LRFN5: variants seen among roughly 807,000 people sequenced by gnomAD.
LRFN5 encodes leucine-rich repeat and fibronectin type-III domain-containing protein 5.
Under a neutral mutation model 45.6 loss-of-function variants are expected in LRFN5, and 24 were observed. The ratio of observed to expected loss-of-function variants is 0.53; its 90% CI spans 0.38 to 0.74. LRFN5 has a LOEUF of 0.74. LRFN5 is among the 30% of genes least tolerant of loss of function. The pLI is 0.00. For missense variants in LRFN5, 776 were observed against 861.5 expected (o/e 0.90, Z 1.24); for synonymous variants, 340 against 313.8 (o/e 1.08, Z -0.88).
At chr14:41,695,621 C>T (rs2138714319) in intron 1 of LRFN5, among the ~76,000 whole-genome samples, 1 of 152,054 alleles carries the variant, frequency 6.6e-6, no homozygotes, top group Admixed American at 6.6e-5. Context: ...TCTACTCTGC[C>T]TATGCTCTAT....
intron 2 of LRFN5, among the ~76,000 whole-genome samples, chr14:41,884,935 A>G (rs892898263): frequency 2.6e-5 from 4 of 152,224 alleles, no homozygotes; most frequent in Non-Finnish European, 4.4e-5. Context: ...TAAAAGTCAT[A>G]AAATATGCTT....
intron 2 of LRFN5, among the ~76,000 whole-genome samples, chr14:41,815,158 A>G (rs1386008460): frequency 6.6e-6 from 1 of 152,162 alleles, no homozygotes; most frequent in East Asian, 1.9e-4. Flanking sequence ...CAACTATAAT[A>G]ATGAATTAAT....
At chr14:41,611,833 C>A (rs914882041) in intron 1 of LRFN5, among the ~76,000 whole-genome samples, 7 of 152,130 alleles carry the variant, frequency 4.6e-5, no homozygotes, top group Non-Finnish European at 8.8e-5. Context: ...GAAGTGATTT[C>A]TTTCCTTTTT....
At chr14:41,622,961 A>G (rs933246264) in intron 1 of LRFN5, among the ~76,000 whole-genome samples, 1 of 152,146 alleles carries the variant, frequency 6.6e-6, no homozygotes. Context: ...AACGAACTCA[A>G]TTTTAACTGA....
At chr14:41,882,989 C>T (rs1204008607) in intron 2 of LRFN5, among the ~76,000 whole-genome samples, 1 of 151,644 alleles carries the variant, frequency 6.6e-6, no homozygotes, top group Non-Finnish European at 1.5e-5. Flanking sequence ...ACTGGGACTA[C>T]AGTTGCACGC....
intron 1 of LRFN5, among the ~76,000 whole-genome samples, chr14:41,764,267 C>T (rs527977081): frequency 1.3e-5 from 2 of 152,230 alleles, no homozygotes; most frequent in Admixed American, 1.3e-4. Context: ...CCTATATGAG[C>T]TTGCCCAAGG....
At chr14:41,768,241 A>G (rs565846724) in intron 2 of LRFN5, among the ~76,000 whole-genome samples, 7 of 152,200 alleles carry the variant, frequency 4.6e-5, no homozygotes, top group African/African-American at 1.7e-4. Flanking sequence ...CTAATTATAT[A>G]ACATTTAAAA....
intron 1 of LRFN5, among the ~76,000 whole-genome samples, chr14:41,625,267 T>C (rs953397996): frequency 2.3e-4 from 9 of 39,680 alleles, no homozygotes; most frequent in Non-Finnish European, 5.9e-4. Context: ...TGGGTTCATC[T>C]GGATGGAGAT....
At chr14:41,629,092 A>G (rs1888446973) in intron 1 of LRFN5, among the ~76,000 whole-genome samples, 1 of 152,136 alleles carries the variant, frequency 6.6e-6, no homozygotes, top group Admixed American at 6.6e-5. Flanking sequence ...TGAAGATGCC[A>G]TATGTCTCTA....
At chr14:41,776,630 A>T (rs1163420526) in intron 2 of LRFN5, among the ~76,000 whole-genome samples, 1 of 152,052 alleles carries the variant, frequency 6.6e-6, no homozygotes, top group Non-Finnish European at 1.5e-5. Context: ...TACAAAGAGG[A>T]ATTTTCATAA....
rs1445921866 is a variant in LRFN5 at position 41,673,485 on chromosome 14, G to A, written c.-197+64923G>A. On this transcript the variant is annotated intron_variant, in intron 1 of 5. Transcript: ENST00000298119. Reference sequence around the variant, plus strand: ...TCCCTCCTGGACGGGGCGGCTGGCCGGGCAGAGGGGCTCCTCACTTCCCAG... The same window carrying A: ...TCCCTCCTGGACGGGGCGGCTGGCCAGGCAGAGGGGCTCCTCACTTCCCAG... 3.4e-5 allele frequency among the ~76,000 whole-genome samples: 5 copies of A among 146,848 alleles called. No homozygotes were observed. In the East Asian group the frequency reaches 6.2e-4, roughly 18 times the overall value.
chr14:41,685,436 G>A (rs920296543), intron 1 of LRFN5, among the ~76,000 whole-genome samples: 2 of 152,112 alleles, frequency 1.3e-5, no homozygotes, highest in Non-Finnish European at 2.9e-5. Context: ...AGAAAAATGT[G>A]TTGCTTTTGC....
At chr14:41,691,895 A>T (rs1328713615) in intron 1 of LRFN5, among the ~76,000 whole-genome samples, 1 of 152,102 alleles carries the variant, frequency 6.6e-6, no homozygotes, top group African/African-American at 2.4e-5. Context: ...ATATTAGTGT[A>T]TATATCAGTA....
At position 41,904,089 on chromosome 14, in the gene LRFN5, A is replaced by G. The variant is rs769902548; in HGVS notation, c.2143-69A>G. 8.3e-5 allele frequency: 104 copies of G among 1,251,168 alleles called. 1 individual carries two copies. Among genetic ancestry groups the G allele is most frequent in the Admixed American group, 4.2e-4 (22 of 52,648 alleles). 77.5% of individuals were successfully genotyped at this position (1,251,168 alleles called of 1,614,324 possible). A position where few individuals can be genotyped will look rare whatever the true frequency, so the allele number is the denominator to read the frequency against. ...TTTAGATTGCTAGCACAATGATCTT[A>G]TTAGCTATGTGTTTTCTTTCTTTCT... On this transcript the variant is annotated intron_variant, in intron 5 of 5. Coordinates refer to ENST00000298119, the MANE Select transcript of LRFN5 (RefSeq NM_152447.5).
rs1005823671 is a variant in LRFN5 at position 41,751,774 on chromosome 14, A to T, written c.-196-15080A>T. Among the ~76,000 whole-genome samples the T allele has an allele frequency of 5.9e-5, 9 of 152,206 alleles. No individual in the cohort carries two copies. The East Asian group carries it at 9.7e-4, about 16-fold the overall frequency. On this transcript the variant is annotated intron_variant, in intron 1 of 5. Transcript: ENST00000298119. Reference sequence around the variant, plus strand: ...TCCCACACAAGAATGTCATTTTTTTAAAATTATACTTTAAGTTTTACGGTA... The same window carrying T: ...TCCCACACAAGAATGTCATTTTTTTTAAATTATACTTTAAGTTTTACGGTA...
chr14:41,821,467 C>A (rs1888110341), intron 2 of LRFN5, among the ~76,000 whole-genome samples: 1 of 151,692 alleles, frequency 6.6e-6, no homozygotes, highest in South Asian at 2.1e-4. Context: ...TTGAATTATC[C>A]TGCAATAAAA....
intron 1 of LRFN5, among the ~76,000 whole-genome samples, chr14:41,681,388 A>G (rs1881874412): frequency 1.3e-5 from 2 of 152,312 alleles, no homozygotes; most frequent in Non-Finnish European, 1.5e-5. Context: ...GAAACAATTA[A>G]CATAAAATGT....
At chr14:41,714,907 T>TC (rs1555356894) in intron 1 of LRFN5, among the ~76,000 whole-genome samples, 1 of 151,642 alleles carries the variant, frequency 6.6e-6, no homozygotes, top group African/African-American at 2.4e-5. Flanking sequence ...CCTATTTTTT[T>TC]AAAAAAAAGT....
chr14:41,872,311 G>A (rs898111720), intron 2 of LRFN5, among the ~76,000 whole-genome samples: 2 of 152,104 alleles, frequency 1.3e-5, no homozygotes, highest in Non-Finnish European at 2.9e-5. Context: ...ACAGAAAAGA[G>A]CTACACACAA....
Sources: allele counts gnomAD v4.1 joint callset (sites outside exome capture counted in the v4.1 genomes callset), GRCh38; gene constraint gnomAD v4.1.1; transcripts MANE v1.5; gene names NCBI Gene and HGNC (gene_info 2026-07-23, HGNC 2026-07-21).